PCARE: variants seen among roughly 807,000 people sequenced by gnomAD.
PCARE encodes the protein uncharacterized protein C2orf71.
PCARE carries 72 observed loss-of-function variants against 82.2 expected under a neutral mutation model. That is an observed-to-expected ratio of 0.88 (90% CI 0.72 to 1.07). The LOEUF (loss-of-function observed/expected upper bound fraction) is 1.07, where lower values mean the gene tolerates loss of function less well. Among genes scored for constraint, PCARE ranks in the 50% least tolerant of loss-of-function variants. PCARE has a pLI of 0.00. For synonymous variants in PCARE, 705 were observed against 634.8 expected (o/e 1.11, Z -1.66); for missense variants, 1,768 against 1,592.4 (o/e 1.11, Z -1.88).
chr2:29,070,414 A>T (rs1235212475), intron 1 of PCARE, among the ~76,000 whole-genome samples, 180 bp downstream of exon 1: 2 of 152,212 alleles, frequency 1.3e-5, no homozygotes, highest in Non-Finnish European at 2.9e-5. Context: ...ATAAGAGCAC[A>T]GTAACTCAAG....
chr2:29,072,650 G>T lies in PCARE; in HGVS notation c.1612C>A (p.Gln538Lys). ...TCCTTCATCTTCAGAATCATTTCCT[G>T]GGCCTGGAGGCTCCTAAGCCTCCTG... Reference protein sequence around the residue: ...RTRRLRSLQAQEMILKMKESI... With the variant: ...RTRRLRSLQAKEMILKMKESI... Residue 538 changes from glutamine (Q) to lysine (K), a missense_variant, in exon 1 of 2, where the codon CAG becomes AAG. Gln to Lys is a moderately conservative substitution (Grantham distance 53). Coordinates refer to ENST00000331664, the MANE Select transcript of PCARE (RefSeq NM_001029883.3). 2.5e-6 allele frequency: 4 copies of T among 1,614,044 alleles called. No homozygotes were observed. The highest frequency in any genetic ancestry group is 3.4e-6 in the Non-Finnish European group (4 of 1,180,032).
chr2:29,070,406 A>C (rs1667451224), intron 1 of PCARE, among the ~76,000 whole-genome samples, 188 bp downstream of exon 1: 1 of 152,178 alleles, frequency 6.6e-6, no homozygotes. Context: ...TGTAACAGAT[A>C]AGAGCACAGT....
chr2:29,071,735 A>G lies in PCARE; in HGVS notation c.2527T>C (p.Phe843Leu). Residue 843 changes from phenylalanine (F) to leucine (L), a missense_variant, in exon 1 of 2, where the codon TTC becomes CTC. Coordinates refer to ENST00000331664, the MANE Select transcript of PCARE (RefSeq NM_001029883.3). ...PPMEVLMDKS[F>L]ASLESPESSK... is the part of the protein sequence containing the mutation. ...CTTTCTGGGGACTCCAGAGAAGCGA[A>G]TGATTTGTCCATCAGAACTTCCATA... is the stretch of plus-strand genomic sequence containing the variant. The G allele has an allele frequency of 1.2e-6, 2 of 1,613,840 alleles. No individual in the cohort carries two copies. Among genetic ancestry groups the G allele is most frequent in the South Asian group, 2.2e-5 (2 of 91,054 alleles).
chr2:29,070,459 AC>A, intron 1 of PCARE, 134 bp downstream of exon 1: 1 of 1,173,010 alleles, frequency 8.5e-7, no homozygotes, highest in Non-Finnish European at 1.3e-6. Context: ...TGCCCCCTAC[AC>A]CTTTTTCCCA....
At chr2:29,068,053 G>T (rs889006941) in intron 1 of PCARE, among the ~76,000 whole-genome samples, 1 of 152,140 alleles carries the variant, frequency 6.6e-6, no homozygotes, top group Admixed American at 6.5e-5. Flanking sequence ...CCATTTTATT[G>T]TCCCTGTTCT....
Position 29,071,862 on chromosome 2 carries a change from G to A in PCARE, c.2400C>T (p.Pro800=). The A allele has an allele frequency of 6.2e-7, 1 of 1,614,264 alleles. No individual in the cohort carries two copies. Among genetic ancestry groups the A allele is most frequent in the Non-Finnish European group, 8.5e-7 (1 of 1,180,046 alleles). ...GCAGAGGGGGAAAGATAGGTGCTAA[G>A]GGCTTCCAGCCTATGCCCATTTTGA... ...ESLKMGIGWK[P]LAPIFPPLPK... The change falls in exon 1 of 2, where the codon CCC becomes CCT. Residue 800 remains proline, a synonymous_variant. Transcript: ENST00000331664.
Position 29,064,313 on chromosome 2 carries a change from C to T in PCARE, c.*556G>A, listed in dbSNP as rs1037796201. On this transcript the variant is annotated 3_prime_UTR_variant, in exon 2 of 2. Transcript: ENST00000331664. ...TGTCTGCTTTAGGCAGGTGGAGTGA[C>T]GCAATAGTTACGGGCAATGGAATGT... The T allele has an allele frequency of 3.0e-5, 5 of 164,488 alleles. No homozygotes were observed. Among genetic ancestry groups the T allele is most frequent in the South Asian group, 1.7e-4 (1 of 5,960 alleles). The allele number at this position is 164,488 out of a possible 1,614,324, so 10.2% of individuals were successfully genotyped here. A position where few individuals can be genotyped will look rare whatever the true frequency, so the allele number is the denominator to read the frequency against.
Position 29,074,351 on chromosome 2 carries a change from A to T in PCARE, c.-90T>A, listed in dbSNP as rs1667551466. The T allele has an allele frequency of 1.4e-6, 2 of 1,383,940 alleles. No homozygotes were observed. Among genetic ancestry groups the T allele is most frequent in the Non-Finnish European group, 1.9e-6 (2 of 1,030,322 alleles). The allele number at this position is 1,383,940 out of a possible 1,614,324, so 85.7% of individuals were successfully genotyped here. ...GAACAAAAGGCAATCTTACTAGTCC[A>T]TCCAGGCAATTTTCAGGCCAGAATT... On this transcript the variant is annotated 5_prime_UTR_variant, in exon 1 of 2. The change abolishes an upstream ATG in the 5' untranslated region. Coordinates refer to ENST00000331664, the MANE Select transcript of PCARE (RefSeq NM_001029883.3).
rs1558485272 is a variant in PCARE at position 29,065,130 on chromosome 2, C to A, written c.3669-63G>T. The A allele has an allele frequency of 2.7e-6, 4 of 1,502,830 alleles. No individual in the cohort carries two copies. In the East Asian group the frequency reaches 7.4e-5, roughly 28 times the overall value. 93.1% of individuals were successfully genotyped at this position (1,502,830 alleles called of 1,614,324 possible). ...TCCTCTGCTGCTCCTTCCTGCCCCACCCCTGTCCTCCATTCTCCCTTTCTG... is the reference window on the plus strand; with the variant it reads ...TCCTCTGCTGCTCCTTCCTGCCCCAACCCTGTCCTCCATTCTCCCTTTCTG... On this transcript the variant is annotated intron_variant, in intron 1 of 1. Transcript: ENST00000331664.
Position 29,074,161 on chromosome 2 carries a change from C to T in PCARE, c.101G>A (p.Gly34Asp). ...KPKAIRPGCQ[G>D]GSERGSIPLL... is the part of the protein sequence containing the mutation. ...AGGGATGGAACCTCTTTCACTTCCG[C>T]CCTGACATCCTGGCCGAATTGCTTT... Residue 34 changes from glycine to aspartate, a missense_variant, in exon 1 of 2, where the codon GGC becomes GAC. Gly to Asp is a moderately conservative substitution (Grantham distance 94, BLOSUM62 -1). Coordinates refer to ENST00000331664, the MANE Select transcript of PCARE (RefSeq NM_001029883.3). The T allele has an allele frequency of 6.2e-7, 1 of 1,610,846 alleles. No individual in the cohort carries two copies. Among genetic ancestry groups the T allele is most frequent in the South Asian group, 1.1e-5 (1 of 90,844 alleles).
In PCARE at chr2:29,071,608, G is replaced by T; in HGVS notation, c.2654C>A (p.Ser885Tyr). The change falls in exon 1 of 2, where the codon TCT (serine) becomes TAT (tyrosine). Residue 885 changes from serine (S) to tyrosine (Y), a missense_variant. By Grantham distance (144) the Ser-to-Tyr change is moderately radical. Transcript: ENST00000331664. ...GGGCAGCAAGTCCAGGGGGCTCACA[G>T]AGGCCCTCAGCTTTGGGGAAGCCCA... ...RTWASPKLRASVSPLDLLPSK... is the reference protein window; with the variant it reads ...RTWASPKLRAYVSPLDLLPSK... The T allele has an allele frequency of 6.2e-7, 1 of 1,613,152 alleles. No individual in the cohort carries two copies.
Position 29,073,913 on chromosome 2 carries a change from T to C in PCARE, c.349A>G (p.Lys117Glu), listed in dbSNP as rs777334143. The change falls in exon 1 of 2, where the codon AAG becomes GAG. Residue 117 changes from lysine (K) to glutamate (E), a missense_variant. Coordinates refer to ENST00000331664, the MANE Select transcript of PCARE (RefSeq NM_001029883.3). ...TGTGATCCATGGGAACCCTGTGTCT[T>C]GAACGGAATATCCTTAGCCATGTGG... is the stretch of plus-strand genomic sequence containing the variant. The part of the protein sequence containing the change: ...QSHMAKDIPF[K>E]TQGSHGSQGA... The C allele has an allele frequency of 2.5e-6, 4 of 1,614,268 alleles. No individual in the cohort carries two copies. The highest frequency in any genetic ancestry group is 2.5e-6 in the Non-Finnish European group (3 of 1,180,042).
chr2:29,066,358 T>C (rs1667389396), intron 1 of PCARE, among the ~76,000 whole-genome samples: 2 of 152,244 alleles, frequency 1.3e-5, no homozygotes, highest in African/African-American at 4.8e-5. Flanking sequence ...GGGACCACAC[T>C]ATCCTACTAC....
At position 29,070,585 on chromosome 2, in the gene PCARE, A is replaced by G. The variant is rs1667454163; in HGVS notation, c.3668+9T>C. 1 of 1,613,568 alleles carries G rather than the reference A, an allele frequency of 6.2e-7. No individual in the cohort carries two copies. The highest frequency in any genetic ancestry group is 8.5e-7 in the Non-Finnish European group (1 of 1,179,762). On this transcript the variant is annotated intron_variant, in intron 1 of 1. Coordinates refer to ENST00000331664, the MANE Select transcript of PCARE (RefSeq NM_001029883.3). The stretch of plus-strand genomic sequence containing the variant: ...CGCTGAAGGGCAGTGACCCCAGGAC[A>G]CTCCTTACCTGTTCTGGCCGAGCTG...
chr2:29,074,118 G>A lies in PCARE; in HGVS notation c.144C>T (p.Ser48=). 2 of 1,614,132 alleles carry A rather than the reference G, an allele frequency of 1.2e-6. No individual in the cohort carries two copies. Among genetic ancestry groups the A allele is most frequent in the South Asian group, 1.1e-5 (1 of 91,078 alleles). ...RGSIPLLVKN[S]TCYDAGEGLA... ...GGCCCTCCCCAGCGTCATAGCAGGT[G>A]GAGTTTTTAACCAGCAAAGGGATGG... The change falls in exon 1 of 2, where the codon TCC becomes TCT. Residue 48 remains serine, a synonymous_variant. Transcript: ENST00000331664.
Position 29,074,073 on chromosome 2 carries a change from A to G in PCARE, c.189T>C (p.Ser63=). 3 of 1,614,156 alleles carry G rather than the reference A, an allele frequency of 1.9e-6. No individual in the cohort carries two copies. Among genetic ancestry groups the G allele is most frequent in the Non-Finnish European group, 2.5e-6 (3 of 1,180,032 alleles). The part of the protein sequence containing the change: ...AGEGLAEEQP[S]PRRNQTTAKG... The stretch of plus-strand genomic sequence containing the variant: ...TAGCTGTGGTTTGGTTCCTCCTGGG[A>G]CTTGGCTGCTCCTCTGCCAGGCCCT... The change falls in exon 1 of 2, where the codon AGT becomes AGC. Residue 63 remains serine (S), a synonymous_variant. Coordinates refer to ENST00000331664, the MANE Select transcript of PCARE (RefSeq NM_001029883.3).
rs139016751 is a variant in PCARE at position 29,071,805 on chromosome 2, G to A, written c.2457C>T (p.Leu819=). Residue 819 remains leucine (L), a synonymous_variant, in exon 1 of 2, where the codon CTC becomes CTT. Coordinates refer to ENST00000331664, the MANE Select transcript of PCARE (RefSeq NM_001029883.3). ...CGAGGTTCCCCTCCATTTCACAGCT[G>A]AGCTCCTCACTCTTGGCTGCTTCTG... ...PKAEAAKSEE[L]SCEMEGNLEH... 2.3e-5 allele frequency: 37 copies of A among 1,614,072 alleles called. 1 individual carries two copies. In the African/African-American group the frequency reaches 3.5e-4, roughly 15 times the overall value.
In PCARE at chr2:29,072,206, G is replaced by T; in HGVS notation, c.2056C>A (p.Gln686Lys). 1 of 1,614,206 alleles carries T rather than the reference G, an allele frequency of 6.2e-7. No homozygotes were observed. Among genetic ancestry groups the T allele is most frequent in the South Asian group, 1.1e-5 (1 of 91,086 alleles). ...TCCTCAGGATGGGGATTGCATTTCT[G>T]CAAGATGCTCTTGTCCTGACTAGGC... ...ILPSQDKSILQKCNPHPEDEQ... is the reference protein window; with the variant it reads ...ILPSQDKSILKKCNPHPEDEQ... The change falls in exon 1 of 2, where the codon CAG becomes AAG. Residue 686 changes from glutamine (Q) to lysine (K), a missense_variant. Gln to Lys is a moderately conservative substitution (Grantham distance 53, BLOSUM62 1). Coordinates refer to ENST00000331664, the MANE Select transcript of PCARE (RefSeq NM_001029883.3).
rs1388366913 is a variant in PCARE, at chr2:29,070,582, G to A, written c.3668+12C>T. 4 of 1,613,874 alleles carry A rather than the reference G, an allele frequency of 2.5e-6. No homozygotes were observed. The highest frequency in any genetic ancestry group is 1.3e-5 in the African/African-American group (1 of 75,050). On this transcript the variant is annotated intron_variant, in intron 1 of 1. Transcript: ENST00000331664. The stretch of plus-strand genomic sequence containing the variant: ...AGCCGCTGAAGGGCAGTGACCCCAG[G>A]ACACTCCTTACCTGTTCTGGCCGAG...
Sources: allele counts gnomAD v4.1 joint callset (sites outside exome capture counted in the v4.1 genomes callset), GRCh38; gene constraint gnomAD v4.1.1; transcripts MANE v1.5; gene names NCBI Gene and HGNC (gene_info 2026-07-23, HGNC 2026-07-21).